BCAR3: variants seen among roughly 807,000 people sequenced by gnomAD.
BCAR3 encodes the protein BCAR3 adaptor protein, NSP family member.
In BCAR3, 37 loss-of-function variants were observed where a neutral mutation model predicts 80.1. The ratio of observed to expected loss-of-function variants is 0.46; its 90% CI spans 0.36 to 0.61. The LOEUF is 0.61. BCAR3 is among the 20% of genes least tolerant of loss of function. The pLI, the probability that BCAR3 is intolerant of heterozygous loss-of-function variation, is 0.00. For missense variants in BCAR3, 978 were observed against 1,068.2 expected (o/e 0.92, Z 1.18); for synonymous variants, 389 against 418.9 (o/e 0.93, Z 0.87).
At chr1:93,589,843 G>A (rs984871049) in intron 4 of BCAR3, among the ~76,000 whole-genome samples, 35 of 152,316 alleles carry the variant, frequency 2.3e-4, no homozygotes, top group African/African-American at 7.5e-4. Flanking sequence ...AGGGTGGTTG[G>A]GGAGGTGTCA....
chr1:93,719,706 T>C (rs891721468), intron 2 of BCAR3, among the ~76,000 whole-genome samples: 2 of 152,076 alleles, frequency 1.3e-5, no homozygotes, highest in Admixed American at 1.3e-4. Context: ...TAAGCACTGG[T>C]GATAAATGCT....
intron 3 of BCAR3, among the ~76,000 whole-genome samples, chr1:93,610,657 C>T (rs958445694): frequency 2.0e-5 from 3 of 152,110 alleles, no homozygotes; most frequent in Admixed American, 6.5e-5. Context: ...GTAGAAAGAA[C>T]GCTAGCAGCC....
intron 3 of BCAR3, among the ~76,000 whole-genome samples, chr1:93,700,538 C>T (rs140968303): frequency 6.6e-5 from 10 of 152,298 alleles, no homozygotes; most frequent in African/African-American, 2.2e-4. Flanking sequence ...TGAGCATCCC[C>T]GATGGGCTCA....
At chr1:93,764,531 A>ACAGTCAC (rs1411519513) in intron 2 of BCAR3, among the ~76,000 whole-genome samples, 2 of 151,752 alleles carry the variant, frequency 1.3e-5, no homozygotes, top group African/African-American at 4.8e-5. Flanking sequence ...CCTGCCTCTC[A>ACAGTCAC]CAGTCACATC....
intron 2 of BCAR3, among the ~76,000 whole-genome samples, chr1:93,844,571 A>T (rs1026992434): frequency 1.3e-5 from 2 of 152,168 alleles, no homozygotes. Context: ...CACCCACTGA[A>T]TCTTTCTCCC....
At chr1:93,639,517 C>A (rs537596025) in intron 3 of BCAR3, among the ~76,000 whole-genome samples, 2 of 148,614 alleles carry the variant, frequency 1.3e-5, no homozygotes, top group East Asian at 3.9e-4. Flanking sequence ...ACTCTTGTCA[C>A]CCAGGCTGCA....
intron 11 of BCAR3, among the ~76,000 whole-genome samples, chr1:93,565,415 C>T (rs1265367767): frequency 1.3e-5 from 2 of 152,196 alleles, no homozygotes; most frequent in Non-Finnish European, 1.5e-5. Context: ...TTCCCATTCA[C>T]GTGGTCTGGT....
intron 3 of BCAR3, among the ~76,000 whole-genome samples, chr1:93,704,360 G>A (rs1218963467): frequency 6.6e-6 from 1 of 152,062 alleles, no homozygotes; most frequent in Admixed American, 6.6e-5. Flanking sequence ...AGACGATGAG[G>A]TCAAAAGTAA....
chr1:93,815,754 C>G (rs1192088275), intron 2 of BCAR3, among the ~76,000 whole-genome samples: 1 of 152,138 alleles, frequency 6.6e-6, no homozygotes, highest in Non-Finnish European at 1.5e-5. Flanking sequence ...CGCTATACAC[C>G]AACAGACACA....
At position 93,748,720 on chromosome 1, in the gene BCAR3, T is replaced by G. The variant is rs146229482; in HGVS notation, c.-62-42578A>C. 3.0e-3 allele frequency among the ~76,000 whole-genome samples: 455 copies of G among 152,320 alleles called. 1 individual carries two copies. The highest frequency in any genetic ancestry group is 0.011 in the African/African-American group (447 of 41,562). On this transcript the variant is annotated intron_variant, in intron 2 of 13. Coordinates refer to the BCAR3 transcript ENST00000370244. ...TATTGTCTGCACAATTAATAGCACT[T>G]CAAATACTGACCTACATATTTTTCC...
chr1:93,646,229 G>A (rs1484949299), intron 2 of BCAR3, among the ~76,000 whole-genome samples: 2 of 152,190 alleles, frequency 1.3e-5, no homozygotes, highest in African/African-American at 2.4e-5. Flanking sequence ...AAAATAAAAT[G>A]TTTTCCTGTA....
chr1:93,698,130 C>T (rs747425008), intron 3 of BCAR3, among the ~76,000 whole-genome samples: 6 of 152,186 alleles, frequency 3.9e-5, no homozygotes, highest in African/African-American at 1.4e-4. Flanking sequence ...GAGGCAGCAG[C>T]GGAAGCAGGA....
chr1:93,659,600 T>G (rs1394201902), intron 2 of BCAR3, among the ~76,000 whole-genome samples: 1 of 152,022 alleles, frequency 6.6e-6, no homozygotes, highest in Non-Finnish European at 1.5e-5. Context: ...AGTATAATAA[T>G]GTTCTATTAG....
upstream of BCAR3, among the ~76,000 whole-genome samples, chr1:93,683,551 T>G (rs1377287341): frequency 6.6e-6 from 1 of 152,076 alleles, no homozygotes; most frequent in Non-Finnish European, 1.5e-5. Context: ...ACAACCCAAA[T>G]GTCCATCAGC....
intron 2 of BCAR3, among the ~76,000 whole-genome samples, chr1:93,757,272 C>A (rs1363114081): frequency 6.6e-6 from 1 of 152,182 alleles, no homozygotes; most frequent in African/African-American, 2.4e-5. Context: ...CCAGGCCTAC[C>A]TGATGACCTC....
chr1:93,739,929 G>A (rs564507634), intron 2 of BCAR3, among the ~76,000 whole-genome samples: 237 of 152,094 alleles, frequency 1.6e-3, no homozygotes, highest in African/African-American at 5.3e-3. Flanking sequence ...CCAGCTACTC[G>A]GGAGGCTGAG....
At chr1:93,728,171 T>C (rs1467145067) in intron 2 of BCAR3, among the ~76,000 whole-genome samples, 1 of 152,170 alleles carries the variant, frequency 6.6e-6, no homozygotes, top group East Asian at 1.9e-4. Context: ...GCCATCAAGT[T>C]TGTGATAAAT....
chr1:93,577,947 G>C (rs1182406144), intron 7 of BCAR3, among the ~76,000 whole-genome samples: 1 of 152,226 alleles, frequency 6.6e-6, no homozygotes, highest in Non-Finnish European at 1.5e-5. Context: ...GGGCTGAGGG[G>C]ATCCCAAGCT....
At chr1:93,672,824 G>A (rs1276788227) in intron 2 of BCAR3, among the ~76,000 whole-genome samples, 2 of 152,162 alleles carry the variant, frequency 1.3e-5, no homozygotes, top group Non-Finnish European at 2.9e-5. Flanking sequence ...GAGATTATCT[G>A]GGCCTCCACT....
Sources: gnomAD v4.1 joint callset for allele counts (sites outside exome capture counted in the v4.1 genomes callset) on GRCh38, gnomAD v4.1.1 for gene constraint, MANE v1.5 for transcripts, NCBI Gene and HGNC (gene_info 2026-07-23, HGNC 2026-07-21) for gene names.